Variants in AP4S1 observed in about 807,000 individuals in gnomAD.
AP4S1 encodes the protein AP-4 complex subunit sigma-1.
In AP4S1, 23 loss-of-function variants were observed where a neutral mutation model predicts 19.8. The observed-to-expected ratio is 1.16, with a 90% CI of 0.84 to 1.65. The LOEUF (loss-of-function observed/expected upper bound fraction) is 1.65. Ranked by LOEUF, AP4S1 falls within the 40% of genes most tolerant of loss-of-function variation. The pLI, the probability that AP4S1 is intolerant of heterozygous loss-of-function variation, is 0.00. For synonymous variants in AP4S1, 46 were observed against 54.1 expected, an observed-to-expected ratio of 0.85 and a Z score of 0.66; for missense variants, 166 against 172.8, an observed-to-expected ratio of 0.96 and a Z score of 0.22.
chr14:31,082,011 A>G (rs1180139828), intron 5 of AP4S1, among the ~76,000 whole-genome samples: 1 of 152,144 alleles, frequency 6.6e-6, no homozygotes, highest in Admixed American at 6.6e-5. Flanking sequence ...TTATAAATTT[A>G]TATATACACT....
rs578070007 is a variant in AP4S1 at position 31,094,327 on chromosome 14, C to A, written c.*1292C>A. 6.5e-6 allele frequency: 1 copy of A among 152,730 alleles called. No individual in the cohort carries two copies. The highest frequency in any genetic ancestry group is 2.1e-4 in the South Asian group (1 of 4,826). The allele number at this position is 152,730 out of a possible 1,614,324, so 9.5% of individuals were successfully genotyped here. On this transcript the variant is annotated 3_prime_UTR_variant, in exon 6 of 6. Transcript: ENST00000542754. ...AAAGCTTTGTAATGTGGGGCTGGTG[C>A]AGTGCCTCACACCTGTAACCCCTGC... is the stretch of plus-strand genomic sequence containing the variant.
intron 5 of AP4S1, among the ~76,000 whole-genome samples, chr14:31,081,977 G>A (rs1408486130): frequency 6.6e-6 from 1 of 152,038 alleles, no homozygotes; most frequent in African/African-American, 2.4e-5. Flanking sequence ...GATTACAGGC[G>A]TGAGCCACCA....
intron 1 of AP4S1, among the ~76,000 whole-genome samples, chr14:31,055,614 A>T (rs1566524986): frequency 6.6e-6 from 1 of 152,170 alleles, no homozygotes; most frequent in Non-Finnish European, 1.5e-5. Flanking sequence ...ACTATACTGT[A>T]CTAGTACTAC....
chr14:31,043,486 G>T (rs1049428971), intron 1 of AP4S1, among the ~76,000 whole-genome samples: 2 of 152,106 alleles, frequency 1.3e-5, no homozygotes, highest in African/African-American at 4.8e-5. Flanking sequence ...AGTAATCTTA[G>T]GACTGTAGTA....
rs1888115197 is a variant in AP4S1, at chr14:31,092,928, G to A, written c.328G>A (p.Val110Ile). The change falls in exon 6 of 6, where the codon GTA becomes ATA. Residue 110 changes from valine to isoleucine, a missense_variant. Coordinates refer to ENST00000542754, the MANE Select transcript of AP4S1 (RefSeq NM_001128126.3). ...ELDIMFNLDKVHIILDEMVLN... is the reference protein window; with the variant it reads ...ELDIMFNLDKIHIILDEMVLN... ...GTAGATAATGTTTAATTTGGATAAA[G>A]TACACATCATTTTGGATGAGATGGT... The A allele has an allele frequency of 1.9e-6, 3 of 1,540,720 alleles. No individual in the cohort carries two copies. In the South Asian group the frequency reaches 3.6e-5, roughly 19 times the overall value.
At chr14:31,083,659 C>A (rs1566545829) in intron 5 of AP4S1, 3 of 409,588 alleles carry the variant, frequency 7.3e-6, no homozygotes, top group South Asian at 5.1e-5. Context: ...TACACAACAC[C>A]ATGCCTGGCT....
chr14:31,033,476 T>A (rs1315901258), intron 1 of AP4S1, among the ~76,000 whole-genome samples: 1 of 152,042 alleles, frequency 6.6e-6, no homozygotes, highest in Non-Finnish European at 1.5e-5. Context: ...CCTCCCAAAG[T>A]GCTGGGATTA....
At position 31,066,155 on chromosome 14, in the gene AP4S1, C is replaced by T. The variant is rs372255958; in HGVS notation, c.-42C>T. 6.2e-7 allele frequency: 1 copy of T among 1,607,842 alleles called. No individual in the cohort carries two copies. Among genetic ancestry groups the T allele is most frequent in the Non-Finnish European group, 8.5e-7 (1 of 1,175,696 alleles). ...CAGTTACAGCCATCCCTTGTCATAA[C>T]TTTTGAACTGTATTTGGAAAAATAC... On this transcript the variant is annotated 5_prime_UTR_variant, in exon 2 of 6. Coordinates refer to ENST00000542754, the MANE Select transcript of AP4S1 (RefSeq NM_001128126.3).
intron 1 of AP4S1, among the ~76,000 whole-genome samples, chr14:31,056,175 C>T (rs1401960381): frequency 6.6e-6 from 1 of 151,042 alleles, no homozygotes; most frequent in East Asian, 2.0e-4. Flanking sequence ...TCTACATACT[C>T]TACTTTTTGT....
chr14:31,085,007 G>A lies in AP4S1; in HGVS notation c.306+4423G>A, dbSNP rs1887858628. Reference sequence around the variant, plus strand: ...ACCTCCACGGCCTTTTCAGTATTTGGTGCCTTTAAAGAGGCCTAAGGACTT... The same window carrying A: ...ACCTCCACGGCCTTTTCAGTATTTGATGCCTTTAAAGAGGCCTAAGGACTT... On this transcript the variant is annotated intron_variant, in intron 5 of 5. Coordinates refer to ENST00000542754, the MANE Select transcript of AP4S1 (RefSeq NM_001128126.3). The A allele has an allele frequency of 8.5e-6, 13 of 1,524,488 alleles. No individual in the cohort carries two copies. In the East Asian group the frequency reaches 2.9e-4, roughly 34 times the overall value. 94.4% of individuals were successfully genotyped at this position (1,524,488 alleles called of 1,614,324 possible). A position where few individuals can be genotyped will look rare whatever the true frequency, so the allele number is the denominator to read the frequency against.
At chr14:31,049,782 T>C (rs1885676641) in intron 1 of AP4S1, among the ~76,000 whole-genome samples, 3 of 151,664 alleles carry the variant, frequency 2.0e-5, no homozygotes, top group Non-Finnish European at 4.4e-5. Flanking sequence ...TTGCATGTTT[T>C]GTAGAGTCAG....
At chr14:31,025,917 C>A in intron 1 of AP4S1, 130 bp downstream of exon 1, 1 of 1,601,276 alleles carries the variant, frequency 6.2e-7, no homozygotes, top group Non-Finnish European at 8.5e-7. Context: ...CAGTTCGGCC[C>A]GTTCCACCTC....
chr14:31,026,527 G>A, intron 1 of AP4S1: 1 of 236,346 alleles, frequency 4.2e-6, no homozygotes. Flanking sequence ...GCCAAATAGA[G>A]TCCGGCCTCA....
At chr14:31,068,419 T>C (rs993242850) in intron 2 of AP4S1, among the ~76,000 whole-genome samples, 12 of 152,256 alleles carry the variant, frequency 7.9e-5, no homozygotes, top group African/African-American at 2.4e-4. Flanking sequence ...TCCCTTGGCA[T>C]CTCAACTGAT....
intron 4 of AP4S1, chr14:31,073,184 G>GAA: frequency 1.2e-5 from 6 of 495,618 alleles, no homozygotes; most frequent in East Asian, 3.6e-5. Context: ...ATAAAGAACT[G>GAA]GAAAAAAAAA....
intron 1 of AP4S1, among the ~76,000 whole-genome samples, chr14:31,050,449 T>TA (rs1242267105): frequency 1.3e-5 from 2 of 152,024 alleles, no homozygotes; most frequent in Admixed American, 6.6e-5. Flanking sequence ...ATCTCTGCTT[T>TA]AAAAAAAACT....
rs749987668 is a variant in AP4S1 at position 31,066,311 on chromosome 14, TG to T, written c.116del (p.Cys39PhefsTer19). 10 of 1,614,018 alleles carry T rather than the reference TG, an allele frequency of 6.2e-6. No individual in the cohort carries two copies. The highest frequency in any genetic ancestry group is 8.5e-6 in the Non-Finnish European group (10 of 1,179,946). ...TCTGGAAACAGAAGTCATAAAGAGC[TG>T]TCTCTCTCGATCCAATGAACAAGTA... ...TLLETEVIKS[C>X]LSRSNEQCSF... On this transcript the variant is annotated frameshift_variant, in exon 2 of 6. Coordinates refer to ENST00000542754, the MANE Select transcript of AP4S1 (RefSeq NM_001128126.3). LOFTEE classifies it high-confidence loss of function.
chr14:31,036,272 A>G (rs1884770081), intron 1 of AP4S1, among the ~76,000 whole-genome samples: 1 of 151,984 alleles, frequency 6.6e-6, no homozygotes, highest in Non-Finnish European at 1.5e-5. Context: ...AAAATTTTTG[A>G]TACAGATGGG....
intron 5 of AP4S1, chr14:31,085,880 G>C (rs1310583437): frequency 2.0e-6 from 2 of 979,368 alleles, no homozygotes; most frequent in Non-Finnish European, 2.4e-6. Flanking sequence ...CTGGTGGGTT[G>C]TGTGAAAAAA....
Sources: allele counts gnomAD v4.1 joint callset (sites outside exome capture counted in the v4.1 genomes callset), GRCh38; gene constraint gnomAD v4.1.1; transcripts MANE v1.5; gene names NCBI Gene and HGNC (gene_info 2026-07-23, HGNC 2026-07-21).